TMEM132B: variants seen among roughly 807,000 people sequenced by gnomAD.
The protein encoded by TMEM132B is transmembrane protein 132B.
Under a neutral mutation model 90.8 loss-of-function variants are expected in TMEM132B, and 18 were observed. The ratio of observed to expected loss-of-function variants is 0.20; its 90% confidence interval spans 0.14 to 0.29. The LOEUF (loss-of-function observed/expected upper bound fraction) is 0.29. Ranked by LOEUF, TMEM132B falls within the 10% of genes least tolerant of loss-of-function variation. TMEM132B has a pLI of 1.00. For synonymous variants in TMEM132B, 504 were observed against 523.3 expected (o/e 0.96, Z 0.50); for missense variants, 1,096 against 1,326.8 (o/e 0.83, Z 2.70).
chr12:125,253,401 C>T (rs928101349), intron 1 of TMEM132B, among the ~76,000 whole-genome samples: 11 of 151,426 alleles, frequency 7.3e-5, no homozygotes, highest in African/African-American at 2.7e-4. Flanking sequence ...ACATTTCATA[C>T]ATCTCTTCAT....
intron 3 of TMEM132B, among the ~76,000 whole-genome samples, chr12:125,451,235 G>T (rs754403364): frequency 4.6e-5 from 7 of 152,162 alleles, no homozygotes; most frequent in Non-Finnish European, 8.8e-5. Context: ...TGAAATTGAT[G>T]ACTGTACTAT....
chr12:125,446,162 A>G (rs1237068651), intron 3 of TMEM132B, among the ~76,000 whole-genome samples: 1 of 152,112 alleles, frequency 6.6e-6, no homozygotes, highest in Non-Finnish European at 1.5e-5. Context: ...TATTTGTTTT[A>G]AATTTTTTTT....
chr12:125,359,067 G>A lies in TMEM132B; in HGVS notation c.959+8724G>A, dbSNP rs1018996406. ...TTCACAAAACTCCTGACTCCGTAAT[G>A]ATGTGCAGCTCTCCGGAAGGATGCT... On this transcript the variant is annotated intron_variant, in intron 2 of 8. Coordinates refer to ENST00000682704, the MANE Select transcript of TMEM132B (RefSeq NM_001366854.1). Among the ~76,000 whole-genome samples, 2 of 152,192 alleles carry A rather than the reference G, an allele frequency of 1.3e-5. 1 individual carries two copies. Among genetic ancestry groups the A allele is most frequent in the South Asian group, 4.1e-4 (2 of 4,828 alleles).
chr12:125,635,936 G>A (rs926296358), intron 5 of TMEM132B, among the ~76,000 whole-genome samples: 1 of 152,102 alleles, frequency 6.6e-6, no homozygotes, highest in African/African-American at 2.4e-5. Flanking sequence ...TAATAGGGTG[G>A]CACTGAGTTC....
At chr12:125,258,137 G>A (rs561093324) in intron 1 of TMEM132B, among the ~76,000 whole-genome samples, 133 of 152,318 alleles carry the variant, frequency 8.7e-4, no homozygotes, top group Non-Finnish European at 1.6e-3. Flanking sequence ...TAAGGGCTGT[G>A]TACAAAGCAG....
intron 3 of TMEM132B, among the ~76,000 whole-genome samples, chr12:125,507,845 C>T (rs1020546722): frequency 2.0e-5 from 3 of 152,108 alleles, no homozygotes; most frequent in African/African-American, 7.2e-5. Flanking sequence ...CACAAGCACT[C>T]TGGCTGCTGT....
rs1039579039 is a variant in TMEM132B at position 125,460,202 on chromosome 12, T to A, written c.1106+44525T>A. Among the ~76,000 whole-genome samples the A allele has an allele frequency of 1.6e-4, 25 of 152,034 alleles. No individual in the cohort carries two copies. Among genetic ancestry groups the A allele is most frequent in the African/African-American group, 6.0e-4 (25 of 41,384 alleles). ...ACCCACAAAAGTTAACATAAAAAAA[T>A]AAAGCTGGCAGGGCACGGTGGCTCA... On this transcript the variant is annotated intron_variant, in intron 3 of 8. Transcript: ENST00000682704. The surrounding 1 kb of genome is among the most constrained non-coding windows in gnomAD (Gnocchi z 4.4).
intron 4 of TMEM132B, among the ~76,000 whole-genome samples, chr12:125,568,079 C>A (rs1267894037): frequency 6.6e-6 from 1 of 151,996 alleles, no homozygotes; most frequent in Non-Finnish European, 1.5e-5. Context: ...CTCCAGCACC[C>A]CATCTTTCTA....
chr12:125,381,423 G>A (rs775923790), intron 2 of TMEM132B, among the ~76,000 whole-genome samples: 2 of 152,164 alleles, frequency 1.3e-5, no homozygotes, highest in African/African-American at 2.4e-5. Context: ...TGCTCTCTTG[G>A]AACTGTGTAC....
At chr12:125,399,370 A>T (rs1879247105) in intron 2 of TMEM132B, among the ~76,000 whole-genome samples, 1 of 151,990 alleles carries the variant, frequency 6.6e-6, no homozygotes, top group African/African-American at 2.4e-5. Flanking sequence ...GGCTGGGTCC[A>T]CTTATTTTGT....
chr12:125,321,892 G>A (rs1245299941), intron 1 of TMEM132B, among the ~76,000 whole-genome samples: 1 of 151,776 alleles, frequency 6.6e-6, no homozygotes, highest in East Asian at 1.9e-4. Flanking sequence ...ATTCGTCATT[G>A]CCCCAAACTG....
intron 4 of TMEM132B, among the ~76,000 whole-genome samples, chr12:125,583,580 G>A (rs1885106918): frequency 6.6e-6 from 1 of 152,146 alleles, no homozygotes; most frequent in Non-Finnish European, 1.5e-5. Flanking sequence ...ATGGAGTAAG[G>A]GAGAGGAGGT....
intron 2 of TMEM132B, among the ~76,000 whole-genome samples, chr12:125,372,739 C>A (rs1375194417): frequency 6.6e-6 from 1 of 152,160 alleles, no homozygotes; most frequent in Non-Finnish European, 1.5e-5. Flanking sequence ...TGACCGAAGG[C>A]CACAGGGCCT....
chr12:125,208,421 C>T (rs879422449), intron 1 of TMEM132B, among the ~76,000 whole-genome samples: 1 of 152,202 alleles, frequency 6.6e-6, no homozygotes, highest in Non-Finnish European at 1.5e-5. Flanking sequence ...CAAAAAGAAA[C>T]CCTGTACCTT....
chr12:125,314,731 G>A (rs992384720), intron 1 of TMEM132B, among the ~76,000 whole-genome samples: 6 of 152,342 alleles, frequency 3.9e-5, no homozygotes, highest in African/African-American at 1.4e-4. Context: ...AGTCTGAGGG[G>A]TTAGGAGCTG....
chr12:125,652,118 G>A (rs544782517), intron 7 of TMEM132B, among the ~76,000 whole-genome samples: 13 of 152,242 alleles, frequency 8.5e-5, no homozygotes, highest in Admixed American at 7.8e-4. Flanking sequence ...TTAGTTGTTG[G>A]GAAAATGTTG....
chr12:125,319,432 A>C (rs1876370829), intron 1 of TMEM132B, among the ~76,000 whole-genome samples: 1 of 152,168 alleles, frequency 6.6e-6, no homozygotes, highest in Non-Finnish European at 1.5e-5. Flanking sequence ...AAGCCCCAGG[A>C]GGACTGGTTG....
chr12:125,515,575 A>G (rs935559941), intron 3 of TMEM132B, among the ~76,000 whole-genome samples: 3 of 151,642 alleles, frequency 2.0e-5, no homozygotes, highest in Non-Finnish European at 4.4e-5. Context: ...CCACACTCAC[A>G]CACACACATT....
chr12:125,210,942 G>A (rs1171799185), intron 1 of TMEM132B, among the ~76,000 whole-genome samples: 1 of 152,108 alleles, frequency 6.6e-6, no homozygotes, highest in Non-Finnish European at 1.5e-5. Flanking sequence ...TAGCCTGGGT[G>A]ACAGAACGAA....
Sources: allele counts gnomAD v4.1 joint callset (sites outside exome capture counted in the v4.1 genomes callset), GRCh38; gene constraint gnomAD v4.1.1; non-coding constraint Gnocchi (gnomAD v3.1); transcripts MANE v1.5; gene names NCBI Gene and HGNC (gene_info 2026-07-23, HGNC 2026-07-21).